The following TNNI3K variants were observed in gnomAD, a reference collection of about 807,000 sequenced individuals.
The protein encoded by TNNI3K is serine/threonine-protein kinase TNNI3K.
A neutral mutation model predicts 114.5 loss-of-function variants in TNNI3K; 140 were observed. The ratio of observed to expected loss-of-function variants is 1.22; its 90% CI spans 1.07 to 1.41. The LOEUF (loss-of-function observed/expected upper bound fraction) is 1.41, where lower values mean the gene tolerates loss of function less well. Ranked by LOEUF, TNNI3K falls within the 40% of genes most tolerant of loss-of-function variation. TNNI3K has a pLI of 0.00. For synonymous variants in TNNI3K, 347 were observed against 347.5 expected (o/e 1.00, Z 0.02); for missense variants, 1,125 against 1,007.6 (o/e 1.12, Z -1.58).
chr1:74,470,346 T>C (rs1464824142), intron 21 of TNNI3K: 2 of 400,590 alleles, frequency 5.0e-6, no homozygotes, highest in African/African-American at 4.1e-5. Context: ...TACTAGAATC[T>C]GTCTTGCTTT....
chr1:74,448,260 TAAAA>T (rs71588834), intron 20 of TNNI3K, among the ~76,000 whole-genome samples: 1,139 of 87,836 alleles, frequency 0.013, 1 homozygote, highest in African/African-American at 0.045. Context: ...TAGAGTATAA[TAAAA>T]AAAAAAAAAA....
At chr1:74,397,517 C>T (rs769731339) in intron 17 of TNNI3K, among the ~76,000 whole-genome samples, 102 of 152,182 alleles carry the variant, frequency 6.7e-4, no homozygotes, top group Non-Finnish European at 1.1e-3. Flanking sequence ...TTGACTGGTT[C>T]CCAAATTTTA....
chr1:74,528,320 T>C (rs1646534033), intron 23 of TNNI3K, among the ~76,000 whole-genome samples: 1 of 151,966 alleles, frequency 6.6e-6, no homozygotes, highest in Admixed American at 6.6e-5. Context: ...CATAGGGACA[T>C]AGTACAGTGC....
At chr1:74,440,820 C>A (rs72969833) in intron 20 of TNNI3K, among the ~76,000 whole-genome samples, 3,001 of 152,174 alleles carry the variant, frequency 0.02, 85 homozygotes, top group African/African-American at 0.069. Context: ...CTCTTTCCTT[C>A]TCTCCACTTC....
chr1:74,490,050 TA>T (rs36063099), intron 22 of TNNI3K, among the ~76,000 whole-genome samples: 4,141 of 42,902 alleles, frequency 0.097, 155 homozygotes, highest in African/African-American at 0.25. Context: ...TTTTTTTTTC[TA>T]AAAAAAAAAA....
At chr1:74,448,127 G>T (rs1342485045) in intron 20 of TNNI3K, among the ~76,000 whole-genome samples, 1 of 99,290 alleles carries the variant, frequency 1.0e-5, no homozygotes, top group Admixed American at 1.0e-4. Context: ...GGGGGAGGGG[G>T]GAGGGATAGC....
intron 17 of TNNI3K, among the ~76,000 whole-genome samples, chr1:74,430,775 G>A (rs558962402): frequency 6.6e-6 from 1 of 152,228 alleles, no homozygotes; most frequent in African/African-American, 2.4e-5. Flanking sequence ...TCCAAATACT[G>A]TGGTATCAGT....
chr1:74,423,754 G>A (rs1665504557), intron 17 of TNNI3K, among the ~76,000 whole-genome samples: 1 of 152,022 alleles, frequency 6.6e-6, no homozygotes, highest in African/African-American at 2.4e-5. Context: ...AGCACTATCA[G>A]AGTTATTCAT....
chr1:74,443,860 C>A (rs1223632215), intron 20 of TNNI3K, among the ~76,000 whole-genome samples: 2 of 152,150 alleles, frequency 1.3e-5, no homozygotes, highest in Non-Finnish European at 2.9e-5. Context: ...TCAGCATATG[C>A]AAATCAATAA....
chr1:74,401,191 A>C (rs1036625967), intron 17 of TNNI3K, among the ~76,000 whole-genome samples: 1 of 152,182 alleles, frequency 6.6e-6, no homozygotes, highest in African/African-American at 2.4e-5. Context: ...CCTATAAATC[A>C]TTCAAGCCCA....
Position 74,439,548 on chromosome 1 carries a change from C to G in TNNI3K, c.1937C>G (p.Ala646Gly). ...FTQCTRYTIKADVFSYALCLW... is the reference protein window; with the variant it reads ...FTQCTRYTIKGDVFSYALCLW... ...CAGTGCACTCGGTACACCATCAAAG[C>G]AGATGTCTTCAGCTATGCTCTGTGT... The change falls in exon 20 of 25, where the codon GCA becomes GGA. Residue 646 changes from alanine to glycine, a missense_variant. By Grantham distance (60) the Ala-to-Gly change is moderately conservative. Transcript: ENST00000326637. 3 of 1,613,486 alleles carry G rather than the reference C, an allele frequency of 1.9e-6. No homozygotes were observed. Among genetic ancestry groups the G allele is most frequent in the Middle Eastern group, 1.7e-4 (1 of 6,050 alleles).
chr1:74,528,225 G>T (rs554425621), intron 23 of TNNI3K, among the ~76,000 whole-genome samples: 4 of 152,160 alleles, frequency 2.6e-5, no homozygotes, highest in Non-Finnish European at 5.9e-5. Context: ...GGAAGTTGGA[G>T]CATAAGGGTG....
chr1:74,324,226 T>G (rs773011563), intron 5 of TNNI3K, among the ~76,000 whole-genome samples: 6 of 152,226 alleles, frequency 3.9e-5, no homozygotes, highest in Admixed American at 1.3e-4. Flanking sequence ...ACAGACCTCC[T>G]TGTGGCTCTT....
intron 21 of TNNI3K, chr1:74,469,468 C>T (rs184219451): frequency 6.5e-6 from 1 of 154,184 alleles, no homozygotes; most frequent in Non-Finnish European, 1.4e-5. Context: ...ATGTAGAAAG[C>T]AATATTGTAA....
intron 17 of TNNI3K, among the ~76,000 whole-genome samples, chr1:74,409,425 A>T (rs1362139286): frequency 2.0e-5 from 3 of 151,484 alleles, no homozygotes; most frequent in African/African-American, 7.3e-5. Flanking sequence ...TTTGCTTAAG[A>T]TTCCATGCAT....
chr1:74,525,096 T>G (rs1646486306), intron 23 of TNNI3K, among the ~76,000 whole-genome samples: 1 of 152,026 alleles, frequency 6.6e-6, no homozygotes, highest in Non-Finnish European at 1.5e-5. Context: ...AAAAACATAC[T>G]AAAGAGGGCA....
chr1:74,465,163 G>C (rs1363863492), intron 21 of TNNI3K, among the ~76,000 whole-genome samples: 1 of 152,146 alleles, frequency 6.6e-6, no homozygotes, highest in Non-Finnish European at 1.5e-5. Context: ...CCTTGGCCTC[G>C]TAGTCCACTC....
chr1:74,451,724 TTTC>T (rs1557575210), intron 20 of TNNI3K, among the ~76,000 whole-genome samples: 2 of 73,136 alleles, frequency 2.7e-5, no homozygotes, highest in African/African-American at 1.1e-4. Flanking sequence ...TCTTTCTTTC[TTTC>T]TTTCTTTCTT....
chr1:74,300,645 A>G (rs1658268610), intron 5 of TNNI3K, among the ~76,000 whole-genome samples: 1 of 152,218 alleles, frequency 6.6e-6, no homozygotes, highest in Non-Finnish European at 1.5e-5. Context: ...AATAGGATTG[A>G]GCAGAATTAT....
Sources: allele counts gnomAD v4.1 joint callset (sites outside exome capture counted in the v4.1 genomes callset), GRCh38; gene constraint gnomAD v4.1.1; transcripts MANE v1.5; gene names NCBI Gene and HGNC (gene_info 2026-07-23, HGNC 2026-07-21).